Variants in NTRK1 observed in about 807,000 individuals in gnomAD.
The protein encoded by NTRK1 is neurotrophic receptor tyrosine kinase 1.
A neutral mutation model predicts 86.8 loss-of-function variants in NTRK1; 62 were observed. The observed-to-expected ratio is 0.71, with a 90% CI of 0.58 to 0.88. NTRK1 has a LOEUF of 0.88. Among genes scored for constraint, NTRK1 ranks in the 40% least tolerant of loss-of-function variants. The probability of loss-of-function intolerance (pLI) is 0.00; values close to 1 mark genes in which losing one functional copy is unlikely to be tolerated. For missense variants in NTRK1, 967 were observed against 1,078.4 expected (o/e 0.90, Z 1.45); for synonymous variants, 469 against 456.6 (o/e 1.03, Z -0.35).
intron 2 of NTRK1, chr1:156,845,830 G>A: frequency 1.9e-6 from 3 of 1,610,334 alleles, no homozygotes; most frequent in Non-Finnish European, 2.5e-6. Flanking sequence ...GCCGCAGCGG[G>A]AAGACACTAG....
chr1:156,869,568 A>C (rs1246093454), intron 6 of NTRK1, among the ~76,000 whole-genome samples: 1 of 152,124 alleles, frequency 6.6e-6, no homozygotes, highest in African/African-American at 2.4e-5. Flanking sequence ...CTCACTAATT[A>C]ATTCTGGGAA....
intron 2 of NTRK1, chr1:156,844,438 G>A (rs569521058): frequency 8.1e-6 from 13 of 1,608,666 alleles, no homozygotes; most frequent in East Asian, 2.2e-5. Flanking sequence ...GGTGATACAG[G>A]TCTGTGACAG....
At position 156,844,827 on chromosome 1, in the gene NTRK1, A is replaced by T. The variant is rs761205184; in HGVS notation, c.50+2634A>T. ...AGGCCTCCCAGGCCACCTTTCCTGGAATACCATCAGCCTCTCCTGCGGGAA... is the reference window on the plus strand; with the variant it reads ...AGGCCTCCCAGGCCACCTTTCCTGGTATACCATCAGCCTCTCCTGCGGGAA... On this transcript the variant is annotated intron_variant, in intron 2 of 16. Coordinates refer to the NTRK1 transcript ENST00000392302. The T allele has an allele frequency of 8.7e-6, 14 of 1,614,058 alleles. No individual in the cohort carries two copies. The highest frequency in any genetic ancestry group is 2.2e-5 in the East Asian group (1 of 44,844).
At chr1:156,816,951 ACT>A (rs1334068573) in intron 1 of NTRK1, 1 of 367,798 alleles carries the variant, frequency 2.7e-6, no homozygotes, top group Non-Finnish European at 4.9e-6. Context: ...TATCTGTGTC[ACT>A]CTGTGTTTAG....
chr1:156,870,383 T>C (rs1244545395), intron 6 of NTRK1, among the ~76,000 whole-genome samples: 1 of 151,760 alleles, frequency 6.6e-6, no homozygotes, highest in Non-Finnish European at 1.5e-5. Context: ...CCCTATCTCT[T>C]AAAAAAAATT....
chr1:156,864,254 C>T, intron 1 of NTRK1, 100 bp from the exon 2 acceptor site: 2 of 1,092,842 alleles, frequency 1.8e-6, no homozygotes, highest in Non-Finnish European at 2.8e-6. Context: ...TATGCGTGTG[C>T]ATGTGGCATG....
Position 156,868,530 on chromosome 1 carries a change from GC to G in NTRK1, c.603del (p.Asn202MetfsTer37). On this transcript the variant is annotated frameshift_variant, in exon 6 of 17. Transcript: ENST00000524377. LOFTEE classifies it high-confidence loss of function. ...CGVPTLKVQVPNASVDVGDDV... is the reference protein window; with the variant it reads ...CGVPTLKVQVXNASVDVGDDV... Reference sequence around the variant, plus strand: ...GTGTGCCCACGCTGAAGGTCCAGGTGCCCAATGCCTCGGTGGATGTGGGGGA... The same window carrying G: ...GTGTGCCCACGCTGAAGGTCCAGGTGCCAATGCCTCGGTGGATGTGGGGGA... 1 of 1,559,402 alleles carries G rather than the reference GC, an allele frequency of 6.4e-7. No individual in the cohort carries two copies. The highest frequency in any genetic ancestry group is 8.7e-7 in the Non-Finnish European group (1 of 1,151,330).
intron 2 of NTRK1, chr1:156,848,899 C>A (rs1441176525): frequency 6.4e-7 from 1 of 1,551,570 alleles, no homozygotes; most frequent in Non-Finnish European, 8.7e-7. Context: ...GCCCCCGCTC[C>A]GGCCCCGCCC....
chr1:156,849,513 G>GGGGGGGGGGGGGGGGGGGGGGGGGGGGGC, intron 2 of NTRK1: 1 of 486,118 alleles, frequency 2.1e-6, no homozygotes, highest in Non-Finnish European at 4.1e-6. Context: ...CAGGGGGTGG[G>GGGGGGGGGGGGGGGGGGGGGGGGGGGGGC]AAAGGGGATG....
rs2102910074 is a variant in NTRK1, at chr1:156,874,597, G to A, written c.1222G>A (p.Val408Met). 6.2e-7 allele frequency: 1 copy of A among 1,614,162 alleles called. No individual in the cohort carries two copies. The highest frequency in any genetic ancestry group is 8.5e-7 in the Non-Finnish European group (1 of 1,180,020). Residue 408 changes from valine (V) to methionine (M), a missense_variant, in exon 10 of 17, where the codon GTG becomes ATG. By Grantham distance (21) the Val-to-Met change is conservative (BLOSUM62 1). Around this residue, in one of 2 missense-constraint regions of NTRK1, gnomAD observed 637 missense variants for 776.5 expected, o/e 0.82. Transcript: ENST00000524377. ...CACTAACAGCACATCTGGAGACCCG[G>A]TGGAGAAGAAGGACGAAACACCTTT... The part of the protein sequence containing the change: ...VDTNSTSGDP[V>M]EKKDETPFGV...
At position 156,875,530 on chromosome 1, in the gene NTRK1, G is replaced by A. The variant is rs949164025; in HGVS notation, c.1365G>A (p.Val455=). 6.2e-7 allele frequency: 1 copy of A among 1,613,906 alleles called. No homozygotes were observed. The highest frequency in any genetic ancestry group is 8.5e-7 in the Non-Finnish European group (1 of 1,180,012). The change falls in exon 12 of 17, where the codon GTG becomes GTA. Residue 455 remains valine (V), a synonymous_variant. Transcript: ENST00000524377. The part of the protein sequence containing the change: ...RNKFGINRPA[V]LAPEDGLAMS... ...GTGTCTCCTCTCTAGGCCCGGCTGT[G>A]CTGGCTCCAGAGGATGGGCTGGCCA...
chr1:156,853,675 A>ACCAT, intron 2 of NTRK1: 2 of 1,413,360 alleles, frequency 1.4e-6, no homozygotes, highest in Admixed American at 4.0e-5. Flanking sequence ...ACTGACCCAC[A>ACCAT]CCATCCTGTG....
At chr1:156,821,837 C>T (rs2102833700) in intron 1 of NTRK1, among the ~76,000 whole-genome samples, 1 of 152,308 alleles carries the variant, frequency 6.6e-6, no homozygotes, top group Non-Finnish European at 1.5e-5. Flanking sequence ...CTTCCCACTT[C>T]CCACTGGATA....
At chr1:156,865,060 C>G in intron 3 of NTRK1, 1 of 542,824 alleles carries the variant, frequency 1.8e-6, no homozygotes. Flanking sequence ...CCTGCCCTAT[C>G]TTTCTTCCCA....
chr1:156,839,298 G>A (rs1041075359), intron 1 of NTRK1, among the ~76,000 whole-genome samples: 5 of 152,228 alleles, frequency 3.3e-5, no homozygotes, highest in Admixed American at 3.3e-4. Context: ...GTCTCATCTC[G>A]CCAGACCCAG....
chr1:156,841,393 C>CAGCT, intron 1 of NTRK1: 1 of 1,613,644 alleles, frequency 6.2e-7, no homozygotes, highest in East Asian at 2.2e-5. Flanking sequence ...AGGTGACTCA[C>CAGCT]AGCTGAAGGG....
At position 156,824,306 on chromosome 1, in the gene NTRK1, G is replaced by C. The variant is rs79536663; in HGVS notation, c.-64+8468G>C. ...TTGTCCTTCAGACACCTCCCGAGTG[G>C]AGCCACAGTGCTGTTAGCACCAGCA... On this transcript the variant is annotated intron_variant, in intron 1 of 16. Transcript: ENST00000392302. Among the ~76,000 whole-genome samples the C allele has an allele frequency of 8.2e-3, 1,255 of 152,230 alleles. 9 individuals are homozygous for C. Among genetic ancestry groups the C allele is most frequent in the Non-Finnish European group, 0.014 (921 of 68,012 alleles).
At chr1:156,856,787 C>T (rs1298308912), upstream of NTRK1, among the ~76,000 whole-genome samples, 2 of 152,176 alleles carry the variant, frequency 1.3e-5, no homozygotes, top group Admixed American at 1.3e-4. Flanking sequence ...GTCTGGATCC[C>T]AAGTTCACTC....
rs1257338203 is a variant in NTRK1, at chr1:156,846,819, C to A, written c.50+4626C>A. On this transcript the variant is annotated intron_variant, in intron 2 of 16. Coordinates refer to the NTRK1 transcript ENST00000392302. ...CCCCACCCTCAAGTTCTGGCACCCC[C>A]GCTCTGAATCACCCCAGGACTGTCA... The A allele has an allele frequency of 9.2e-6, 12 of 1,309,346 alleles. No individual in the cohort carries two copies. The East Asian group carries it at 1.9e-4, about 20-fold the overall frequency. The allele number at this position is 1,309,346 out of a possible 1,614,324, so 81.1% of individuals were successfully genotyped here.
Sources: allele counts gnomAD v4.1 joint callset (sites outside exome capture counted in the v4.1 genomes callset), GRCh38; gene constraint gnomAD v4.1.1; regional missense constraint gnomAD v4.1.1; transcripts MANE v1.5; gene names NCBI Gene and HGNC (gene_info 2026-07-23, HGNC 2026-07-21).